The following SBF2 variants were observed in gnomAD, a reference collection of about 807,000 sequenced individuals.
SBF2 encodes the protein SET binding factor 2.
In SBF2, 112 loss-of-function variants were observed where a neutral mutation model predicts 225.2. The ratio of observed to expected loss-of-function variants is 0.50; its 90% confidence interval spans 0.43 to 0.58. The LOEUF (loss-of-function observed/expected upper bound fraction) is 0.58, where lower values mean the gene tolerates loss of function less well. Among genes scored for constraint, SBF2 ranks in the 20% least tolerant of loss-of-function variants. The probability of loss-of-function intolerance (pLI) is 0.00; values close to 1 mark genes in which losing one functional copy is unlikely to be tolerated. For missense variants in SBF2, 1,996 were observed against 2,206.2 expected (o/e 0.90, Z 1.91); for synonymous variants, 763 against 773.3 (o/e 0.99, Z 0.22).
upstream of SBF2, among the ~76,000 whole-genome samples, chr11:10,297,776 C>T (rs61889846): frequency 0.099 from 15,123 of 152,236 alleles, 903 homozygotes; most frequent in Non-Finnish European, 0.11. Context: ...TTTAACATAT[C>T]CTAGGTACAT....
chr11:10,136,316 A>T (rs940786448), intron 2 of SBF2, among the ~76,000 whole-genome samples: 1 of 152,050 alleles, frequency 6.6e-6, no homozygotes, highest in Non-Finnish European at 1.5e-5. Flanking sequence ...CCTTGGTGAC[A>T]AGCGTATCTT....
intron 18 of SBF2, among the ~76,000 whole-genome samples, chr11:9,857,027 T>A (rs1008635558): frequency 3.3e-5 from 5 of 152,030 alleles, no homozygotes; most frequent in Non-Finnish European, 7.4e-5. Context: ...GACCTTGTGA[T>A]CAGCCCGCCT....
intron 11 of SBF2, 125 bp downstream of exon 11, chr11:9,992,865 A>G (rs1474689304): frequency 1.3e-5 from 9 of 694,946 alleles, no homozygotes; most frequent in Admixed American, 8.2e-5. Flanking sequence ...CTAACCACAC[A>G]GAGATTTTAA....
chr11:10,080,654 TA>T (rs1341830683), intron 2 of SBF2, among the ~76,000 whole-genome samples: 1 of 152,114 alleles, frequency 6.6e-6, no homozygotes, highest in African/African-American at 2.4e-5. Context: ...ATGCTCTACT[TA>T]AAAGATACAG....
chr11:9,998,246 A>C lies in SBF2; in HGVS notation c.975+20T>G, dbSNP rs1348155839. 1 of 1,350,194 alleles carries C rather than the reference A, an allele frequency of 7.4e-7. No individual in the cohort carries two copies. The highest frequency in any genetic ancestry group is 1.1e-6 in the Non-Finnish European group (1 of 941,082). 83.6% of individuals were successfully genotyped at this position (1,350,194 alleles called of 1,614,324 possible). On this transcript the variant is annotated intron_variant, in intron 9 of 39. Transcript: ENST00000256190. ...AGATTTAAATAAAGAGAAAGTTACT[A>C]TTACAAAAATATGTCATACCAAAGA...
intron 2 of SBF2, among the ~76,000 whole-genome samples, chr11:10,086,763 T>C (rs1169505105): frequency 6.6e-6 from 1 of 152,224 alleles, no homozygotes; most frequent in African/African-American, 2.4e-5. Context: ...TGGAGACAGA[T>C]ATATTGCTAG....
intron 2 of SBF2, among the ~76,000 whole-genome samples, chr11:10,088,772 T>C (rs1335754041): frequency 1.3e-5 from 2 of 152,280 alleles, no homozygotes; most frequent in Middle Eastern, 3.4e-3. Flanking sequence ...ACCTTCAACA[T>C]TGGGATCAAA....
At chr11:9,910,406 T>TA (rs1403429652) in intron 16 of SBF2, among the ~76,000 whole-genome samples, 14 of 152,336 alleles carry the variant, frequency 9.2e-5, no homozygotes, top group South Asian at 2.1e-4. Flanking sequence ...ATGAGTATGT[T>TA]ACTGGCTTAT....
At chr11:9,966,655 G>A (rs910897670) in intron 14 of SBF2, among the ~76,000 whole-genome samples, 1 of 152,092 alleles carries the variant, frequency 6.6e-6, no homozygotes, top group African/African-American at 2.4e-5. Flanking sequence ...TAATATATCT[G>A]GTAGGGGACT....
At chr11:9,905,208 A>G (rs562346896) in intron 16 of SBF2, among the ~76,000 whole-genome samples, 1 of 152,368 alleles carries the variant, frequency 6.6e-6, no homozygotes, top group South Asian at 2.1e-4. Flanking sequence ...GGAAATGCTT[A>G]GCATATCACA....
chr11:10,269,705 A>G (rs1962310146), intron 1 of SBF2, among the ~76,000 whole-genome samples: 1 of 152,230 alleles, frequency 6.6e-6, no homozygotes, highest in South Asian at 2.1e-4. Flanking sequence ...GTCTAAAGCC[A>G]GAACTACTAG....
chr11:9,816,108 T>C (rs1266661105), intron 29 of SBF2, among the ~76,000 whole-genome samples: 2 of 152,260 alleles, frequency 1.3e-5, no homozygotes, highest in Non-Finnish European at 2.9e-5. Flanking sequence ...ATGTCCTATA[T>C]ACCTACTGGT....
chr11:9,959,631 G>A, intron 16 of SBF2: 2 of 757,582 alleles, frequency 2.6e-6, no homozygotes, highest in Non-Finnish European at 5.0e-6. Context: ...ATTCTACTCA[G>A]GTAACTCTTC....
intron 16 of SBF2, among the ~76,000 whole-genome samples, chr11:9,921,360 G>A (rs1371219025): frequency 6.6e-6 from 1 of 152,086 alleles, no homozygotes; most frequent in African/African-American, 2.4e-5. Flanking sequence ...TTCAGCCACC[G>A]CGTCCAGCCA....
At chr11:9,915,879 T>C (rs1863042870) in intron 16 of SBF2, among the ~76,000 whole-genome samples, 1 of 151,984 alleles carries the variant, frequency 6.6e-6, no homozygotes, top group Non-Finnish European at 1.5e-5. Context: ...GCCTGACCAA[T>C]ATGGTGAAAC....
At chr11:10,012,786 T>G (rs868059621) in intron 6 of SBF2, among the ~76,000 whole-genome samples, 10 of 151,554 alleles carry the variant, frequency 6.6e-5, no homozygotes, top group South Asian at 4.2e-4. Context: ...CCTGAAAGCT[T>G]TTTTTTTTCT....
intron 17 of SBF2, among the ~76,000 whole-genome samples, chr11:9,868,337 C>CAAAAA (rs35348349): frequency 1.5e-3 from 40 of 26,376 alleles, no homozygotes; most frequent in East Asian, 2.1e-3. Flanking sequence ...TACAAAAATA[C>CAAAAA]AAAAAAAAAA....
At chr11:9,916,249 T>A (rs963898080) in intron 16 of SBF2, among the ~76,000 whole-genome samples, 1 of 152,168 alleles carries the variant, frequency 6.6e-6, no homozygotes, top group African/African-American at 2.4e-5. Flanking sequence ...TAATAGAAGA[T>A]CAGAGAAAAG....
At chr11:9,796,797 A>C (rs1590105508) in intron 32 of SBF2, among the ~76,000 whole-genome samples, 1 of 152,344 alleles carries the variant, frequency 6.6e-6, no homozygotes, top group African/African-American at 2.4e-5. Flanking sequence ...TCAGTAAATT[A>C]GGCAGTGAGG....
Sources: allele counts gnomAD v4.1 joint callset (sites outside exome capture counted in the v4.1 genomes callset), GRCh38; gene constraint gnomAD v4.1.1; transcripts MANE v1.5; gene names NCBI Gene and HGNC (gene_info 2026-07-23, HGNC 2026-07-21).